SLC45A4: variants seen among roughly 807,000 people sequenced by gnomAD.
The protein encoded by SLC45A4 is solute carrier family 45 member 4, also known as polyamine-transporter SLC45A4.
In SLC45A4, 32 loss-of-function variants were observed where a neutral mutation model predicts 63.7. The observed-to-expected ratio is 0.50, with a 90% CI of 0.38 to 0.67. The LOEUF is 0.67. SLC45A4 is among the 30% of genes least tolerant of loss of function. The pLI is 0.00. For missense variants in SLC45A4, 1,027 were observed against 1,157.7 expected (o/e 0.89, Z 1.64); for synonymous variants, 535 against 510.0 (o/e 1.05, Z -0.66).
Position 141,218,896 on chromosome 8 carries a change from C to T in SLC45A4, c.744G>A (p.Leu248=). 6.2e-7 allele frequency: 1 copy of T among 1,613,710 alleles called. No homozygotes were observed. Among genetic ancestry groups the T allele is most frequent in the Non-Finnish European group, 8.5e-7 (1 of 1,179,940 alleles). ...AAIIFTVSVA[L]HLFSIDEEQY... is the part of the protein sequence containing the mutation. ...GCTCCTCGTCGATGCTGAACAGGTGCAGGGCCACGGACACCGTGAAGATGA... is the reference window on the plus strand; with the variant it reads ...GCTCCTCGTCGATGCTGAACAGGTGTAGGGCCACGGACACCGTGAAGATGA... Residue 248 remains leucine, a synonymous_variant, in exon 5 of 9, where the codon CTG becomes CTA. Transcript: ENST00000517878.
chr8:141,219,657 G>T lies in SLC45A4; in HGVS notation c.603C>A (p.Phe201Leu). Residue 201 changes from phenylalanine to leucine, a missense_variant, in exon 4 of 9, where the codon TTC (phenylalanine) becomes TTA (leucine). By Grantham distance (22) the Phe-to-Leu change is conservative. Coordinates refer to ENST00000517878, the MANE Select transcript of SLC45A4 (RefSeq NM_001286646.2). ...TTGGTGCGGCAGCGTTACCGGCAGAGAAGGCGTGGATGTTGAGGGCCATGT... is the reference window on the plus strand; with the variant it reads ...TTGGTGCGGCAGCGTTACCGGCAGATAAGGCGTGGATGTTGAGGGCCATGT... ...EQDMALNIHA[F>L]SAGLGGAIGY... 6.2e-7 allele frequency: 1 copy of T among 1,607,464 alleles called. No homozygotes were observed.
chr8:141,301,276 A>G (rs1279387534), intron 1 of SLC45A4, among the ~76,000 whole-genome samples: 1 of 152,136 alleles, frequency 6.6e-6, no homozygotes, highest in Non-Finnish European at 1.5e-5. Context: ...CTTCCGGTGT[A>G]TTTTGTGCAT....
chr8:141,228,532 G>A (rs1284333123), intron 2 of SLC45A4: 2 of 1,284,666 alleles, frequency 1.6e-6, no homozygotes, highest in Admixed American at 3.4e-5. Context: ...CCTCGGGCAG[G>A]CACTCCCCGC....
chr8:141,276,374 C>A (rs1325178742), intron 1 of SLC45A4, among the ~76,000 whole-genome samples: 1 of 152,156 alleles, frequency 6.6e-6, no homozygotes, highest in South Asian at 2.1e-4. Context: ...GTTTGCGATG[C>A]GAGCAGCTCC....
chr8:141,280,008 G>C (rs558901182), intron 1 of SLC45A4, among the ~76,000 whole-genome samples: 1 of 152,230 alleles, frequency 6.6e-6, no homozygotes, highest in Non-Finnish European at 1.5e-5. Context: ...CGGCAGCAGC[G>C]GCGGCCACAG....
At position 141,208,346 on chromosome 8, in the gene SLC45A4, A is replaced by G. The variant is rs1265940705; in HGVS notation, c.*3226T>C. 4 of 152,102 alleles carry G rather than the reference A, an allele frequency of 2.6e-5. No homozygotes were observed. The East Asian group carries it at 7.7e-4, about 29-fold the overall frequency. 9.4% of individuals were successfully genotyped at this position (152,102 alleles called of 1,614,324 possible). A position where few individuals can be genotyped will look rare whatever the true frequency, so the allele number is the denominator to read the frequency against. ...AGTGGGAGAGCCGAGGGTGGCCTGC[A>G]GCTCCCCCTTCCAGCCCTCTTGTTG... On this transcript the variant is annotated 3_prime_UTR_variant, in exon 9 of 9. Transcript: ENST00000517878.
At position 141,221,684 on chromosome 8, in the gene SLC45A4, G is replaced by A. The variant is rs372360446; in HGVS notation, c.323C>T (p.Ala108Val). 29 of 1,613,996 alleles carry A rather than the reference G, an allele frequency of 1.8e-5. No individual in the cohort carries two copies. The highest frequency in any genetic ancestry group is 1.2e-4 in the African/African-American group (9 of 74,948). ...GLIFTPLIGS[A>V]SDRCTLSWGR... ...CCAGCTCAGGGTGCACCGGTCACTC[G>A]CAGACCCAATGAGAGGTGTGAAGAT... is the stretch of plus-strand genomic sequence containing the variant. Residue 108 changes from alanine to valine, a missense_variant, in exon 3 of 9, where the codon GCG becomes GTG. By Grantham distance (64) the Ala-to-Val change is moderately conservative. Transcript: ENST00000517878.
At chr8:141,266,942 A>C (rs944471423) in intron 1 of SLC45A4, among the ~76,000 whole-genome samples, 1 of 152,218 alleles carries the variant, frequency 6.6e-6, no homozygotes, top group Non-Finnish European at 1.5e-5. Flanking sequence ...TTTTCTAACA[A>C]TTTGTGGTAC....
At chr8:141,271,608 T>C (rs936419813) in intron 1 of SLC45A4, among the ~76,000 whole-genome samples, 51 of 152,294 alleles carry the variant, frequency 3.3e-4, no homozygotes, top group African/African-American at 1.2e-3. Context: ...CCTGACCCCA[T>C]TTCAGAAGGG....
intron 2 of SLC45A4, among the ~76,000 whole-genome samples, chr8:141,242,989 G>A (rs1330771059): frequency 3.3e-5 from 5 of 152,218 alleles, no homozygotes; most frequent in Non-Finnish European, 5.9e-5. Context: ...CCCATCTACC[G>A]GGTGGTGACA....
intron 2 of SLC45A4, chr8:141,252,599 T>C (rs1338519120): frequency 1.5e-5 from 2 of 129,306 alleles, no homozygotes; most frequent in South Asian, 2.3e-4. Context: ...TTCCGTGTTT[T>C]CATGCCCACC....
At chr8:141,231,924 T>TCCTC (rs1374827862) in intron 2 of SLC45A4, among the ~76,000 whole-genome samples, 1 of 152,206 alleles carries the variant, frequency 6.6e-6, no homozygotes, top group Non-Finnish European at 1.5e-5. Context: ...ACCAAGGTTC[T>TCCTC]CCTCCCTCCA....
rs991736732 is a variant in SLC45A4, at chr8:141,264,346, G to A, written c.-400-9717C>T. Among the ~76,000 whole-genome samples, 10 of 152,236 alleles carry A rather than the reference G, an allele frequency of 6.6e-5. No homozygotes were observed. The South Asian group carries it at 1.9e-3, about 28-fold the overall frequency. On this transcript the variant is annotated intron_variant, in intron 1 of 8. Transcript: ENST00000517878. ...CTTTTATCACACACCAAATGTCGGC[G>A]TGCACTTGTCTCCGTTTCTCAAGGC...
rs954896349 is a variant in SLC45A4 at position 141,209,622 on chromosome 8, G to A, written c.*1950C>T. 6 of 152,258 alleles carry A rather than the reference G, an allele frequency of 3.9e-5. No individual in the cohort carries two copies. The East Asian group carries it at 9.6e-4, about 24-fold the overall frequency. 9.4% of individuals were successfully genotyped at this position (152,258 alleles called of 1,614,324 possible). Reference sequence around the variant, plus strand: ...ACACCTGAAGTGCTGACAGCTTGACGAGTCTACAAAGTGTGCAGCCACCGA... The same window carrying A: ...ACACCTGAAGTGCTGACAGCTTGACAAGTCTACAAAGTGTGCAGCCACCGA... On this transcript the variant is annotated 3_prime_UTR_variant, in exon 9 of 9. Transcript: ENST00000517878.
At position 141,227,208 on chromosome 8, in the gene SLC45A4, C is replaced by A. The variant is rs984798705; in HGVS notation, c.242-5443G>T. Among the ~76,000 whole-genome samples the A allele has an allele frequency of 6.6e-6, 1 of 152,178 alleles. No individual in the cohort carries two copies. The highest frequency in any genetic ancestry group is 1.5e-5 in the Non-Finnish European group (1 of 68,042). ...CCGTTCACAGGAAATACTGTGTCAC[C>A]GCTCGGCCGCAGGCTGTGTGAGGTC... On this transcript the variant is annotated intron_variant, in intron 2 of 8. Coordinates refer to ENST00000517878, the MANE Select transcript of SLC45A4 (RefSeq NM_001286646.2). This position sits in a 1 kb window ranked among gnomAD's most constrained non-coding sequence, Gnocchi z 4.4.
chr8:141,244,973 T>G (rs1490356821), intron 2 of SLC45A4, among the ~76,000 whole-genome samples: 699 of 36,294 alleles, frequency 0.019, no homozygotes, highest in African/African-American at 0.039. Context: ...GGGGGGGCGG[T>G]GTGGAGGTGG....
chr8:141,237,555 C>G (rs1457728867), intron 2 of SLC45A4, among the ~76,000 whole-genome samples: 4 of 152,114 alleles, frequency 2.6e-5, no homozygotes, highest in Non-Finnish European at 5.9e-5. Context: ...CAGGTAATGC[C>G]TCATATTTTA....
At chr8:141,252,996 C>T (rs952168345) in intron 2 of SLC45A4, among the ~76,000 whole-genome samples, 2 of 151,518 alleles carry the variant, frequency 1.3e-5, no homozygotes, top group Non-Finnish European at 2.9e-5. Context: ...TTTTCACACC[C>T]ACCTGTGCGT....
rs1826005649 is a variant in SLC45A4, at chr8:141,214,229, G to T, written c.1941+1530C>A. On this transcript the variant is annotated intron_variant, in intron 7 of 8. Coordinates refer to ENST00000517878, the MANE Select transcript of SLC45A4 (RefSeq NM_001286646.2). ...AAAAAAGCATCATACTTCCTAGTAA[G>T]ATATTAAATACTCCCCTGTTGAGTT... is the stretch of plus-strand genomic sequence containing the variant. Among the ~76,000 whole-genome samples the T allele has an allele frequency of 2.0e-5, 3 of 149,450 alleles. No individual in the cohort carries two copies. The South Asian group carries it at 6.3e-4, about 31-fold the overall frequency.
Sources: allele counts gnomAD v4.1 joint callset (sites outside exome capture counted in the v4.1 genomes callset), GRCh38; gene constraint gnomAD v4.1.1; non-coding constraint Gnocchi (gnomAD v3.1); transcripts MANE v1.5; gene names NCBI Gene and HGNC (gene_info 2026-07-23, HGNC 2026-07-21).